EIF4G3: variants seen among roughly 807,000 people sequenced by gnomAD.
EIF4G3 encodes eIF-4-gamma 3.
A neutral mutation model predicts 186.4 loss-of-function variants in EIF4G3; 34 were observed. The ratio of observed to expected loss-of-function variants is 0.18; its 90% CI spans 0.14 to 0.24. The LOEUF (loss-of-function observed/expected upper bound fraction) is 0.24. Among genes scored for constraint, EIF4G3 ranks in the 10% least tolerant of loss-of-function variants. The probability of loss-of-function intolerance (pLI) is 1.00; values close to 1 mark genes in which losing one functional copy is unlikely to be tolerated. For synonymous variants in EIF4G3, 673 were observed against 679.5 expected, an observed-to-expected ratio of 0.99 and a Z score of 0.15; for missense variants, 1,536 against 1,948.5, an observed-to-expected ratio of 0.79 and a Z score of 3.99.
At chr1:21,073,686 C>A in intron 3 of EIF4G3, 1 of 515,912 alleles carries the variant, frequency 1.9e-6, no homozygotes, top group South Asian at 1.4e-5. Flanking sequence ...GTCGACAATT[C>A]TATTACCAAG....
intron 2 of EIF4G3, among the ~76,000 whole-genome samples, chr1:21,158,079 C>T (rs1197547853): frequency 1.3e-5 from 2 of 151,902 alleles, no homozygotes; most frequent in Non-Finnish European, 2.9e-5. Context: ...CCCTTATGAA[C>T]TGACCAAAGC....
chr1:20,834,032 G>A (rs1210704265), intron 30 of EIF4G3, among the ~76,000 whole-genome samples: 1 of 152,180 alleles, frequency 6.6e-6, no homozygotes, highest in South Asian at 2.1e-4. Context: ...AAGTGGTATT[G>A]TCAAAAATAA....
chr1:21,040,857 G>A lies in EIF4G3; in HGVS notation c.-67+10009C>T, dbSNP rs1266384226. 3.9e-5 allele frequency among the ~76,000 whole-genome samples: 6 copies of A among 152,114 alleles called. No homozygotes were observed. In the East Asian group the frequency reaches 1.2e-3, roughly 29 times the overall value. The stretch of plus-strand genomic sequence containing the variant: ...AACAGCTGAGTCTTGGCCAATCCCA[G>A]CAGCCATACTTCAACCAATCATAGA... On this transcript the variant is annotated intron_variant, in intron 4 of 36. Transcript: ENST00000602326.
intron 3 of EIF4G3, among the ~76,000 whole-genome samples, chr1:21,058,286 A>G (rs10916926): frequency 0.033 from 4,989 of 152,222 alleles, 270 homozygotes; most frequent in African/African-American, 0.11. Flanking sequence ...AGGGCAGCAG[A>G]TACTGAGATA....
intron 14 of EIF4G3, among the ~76,000 whole-genome samples, chr1:20,939,881 G>A (rs867630904): frequency 5.3e-5 from 7 of 133,056 alleles, no homozygotes; most frequent in African/African-American, 2.0e-4. Context: ...TTGAGATGGA[G>A]TCTCGATCTG....
At chr1:21,103,360 T>A (rs1332756095) in intron 2 of EIF4G3, among the ~76,000 whole-genome samples, 3 of 152,186 alleles carry the variant, frequency 2.0e-5, no homozygotes, top group Non-Finnish European at 4.4e-5. Flanking sequence ...ATCCTAAATC[T>A]TCCCTACTCC....
chr1:21,072,466 C>G (rs12081299), intron 3 of EIF4G3, among the ~76,000 whole-genome samples: 4,970 of 152,134 alleles, frequency 0.033, 265 homozygotes, highest in African/African-American at 0.11. Context: ...TGCAGTGGTG[C>G]TATCTCGGCT....
chr1:20,813,151 T>C lies in EIF4G3; in HGVS notation c.4597+7A>G. 1 of 1,592,712 alleles carries C rather than the reference T, an allele frequency of 6.3e-7. No homozygotes were observed. On this transcript the variant is annotated splice_region_variant and intron_variant, in intron 35 of 36. Coordinates refer to ENST00000602326, the MANE Select transcript of EIF4G3 (RefSeq NM_001391906.1). ...TGTTATGAGCTGCCTTCAGAAATGT[T>C]ACTTACCTATAATAGCTGCTTTACA...
chr1:21,165,730 A>C (rs1346939028), intron 2 of EIF4G3, among the ~76,000 whole-genome samples: 1 of 152,188 alleles, frequency 6.6e-6, no homozygotes, highest in Non-Finnish European at 1.5e-5. Flanking sequence ...GGGAGTGACA[A>C]AAATATTCTA....
chr1:20,855,396 A>G (rs979104338), intron 25 of EIF4G3, among the ~76,000 whole-genome samples: 7 of 152,222 alleles, frequency 4.6e-5, no homozygotes, highest in Non-Finnish European at 1.0e-4. Context: ...ATACCCATTA[A>G]TTTTAAAAAT....
At chr1:20,924,639 T>A (rs2094736878) in intron 14 of EIF4G3, among the ~76,000 whole-genome samples, 1 of 152,186 alleles carries the variant, frequency 6.6e-6, no homozygotes, top group Admixed American at 6.5e-5. Flanking sequence ...GATGTCGGCT[T>A]ACTGCCAACT....
At chr1:20,955,574 T>C (rs181827062) in intron 12 of EIF4G3, among the ~76,000 whole-genome samples, 15 of 152,232 alleles carry the variant, frequency 9.9e-5, no homozygotes, top group Admixed American at 8.5e-4. Context: ...GCATGGAGAA[T>C]GAACTAGAGC....
chr1:20,936,579 T>C (rs1333021769), intron 14 of EIF4G3, among the ~76,000 whole-genome samples: 1 of 152,246 alleles, frequency 6.6e-6, no homozygotes, highest in Non-Finnish European at 1.5e-5. Flanking sequence ...TTTTAGAATA[T>C]GTAAGTTGAG....
chr1:21,154,699 T>C (rs1453410242), intron 2 of EIF4G3, among the ~76,000 whole-genome samples: 1 of 152,208 alleles, frequency 6.6e-6, no homozygotes, highest in Non-Finnish European at 1.5e-5. Context: ...CAATTTAACC[T>C]AACATTTCAA....
chr1:20,828,862 T>G (rs1571224039), intron 31 of EIF4G3, among the ~76,000 whole-genome samples: 1 of 152,310 alleles, frequency 6.6e-6, no homozygotes, highest in Admixed American at 6.5e-5. Context: ...AGATGAACAT[T>G]AAGCTTCTAG....
intron 34 of EIF4G3, among the ~76,000 whole-genome samples, chr1:20,816,171 ACTGGGAAGTGAGGAGCGCCTCTGCCCG>A (rs1557751139): frequency 9.1e-4 from 87 of 95,572 alleles, no homozygotes; most frequent in Non-Finnish European, 1.5e-3. Flanking sequence ...GGCCGCCCCT[ACTGGGAAGTGAGGAGCGCCTCTGCCCG>A]GCCAGCCGCC....
chr1:21,061,177 G>T (rs1228660936), intron 3 of EIF4G3, among the ~76,000 whole-genome samples: 2 of 152,016 alleles, frequency 1.3e-5, no homozygotes, highest in Non-Finnish European at 2.9e-5. Context: ...CAAAATGCTT[G>T]GTACCAGAAG....
At chr1:20,841,086 T>C (rs2068415126) in intron 29 of EIF4G3, 58 bp from the exon 30 acceptor site, 1 of 1,554,522 alleles carries the variant, frequency 6.4e-7, no homozygotes, top group Non-Finnish European at 8.8e-7. Flanking sequence ...ACCAGAATGT[T>C]AAGATAACTT....
At chr1:20,934,337 T>C (rs2095442343) in intron 14 of EIF4G3, among the ~76,000 whole-genome samples, 1 of 152,126 alleles carries the variant, frequency 6.6e-6, no homozygotes, top group Admixed American at 6.5e-5. Context: ...AAAGATACCA[T>C]TTAAGTGGCA....
Sources: allele counts gnomAD v4.1 joint callset (sites outside exome capture counted in the v4.1 genomes callset), GRCh38; gene constraint gnomAD v4.1.1; transcripts MANE v1.5; gene names NCBI Gene and HGNC (gene_info 2026-07-23, HGNC 2026-07-21).